VTI1A: variants seen among roughly 807,000 people sequenced by gnomAD.
VTI1A encodes vesicle transport through interaction with t-SNAREs homolog 1A.
Under a neutral mutation model 34.9 loss-of-function variants are expected in VTI1A, and 22 were observed. The observed-to-expected ratio is 0.63, with a 90% CI of 0.45 to 0.90. The LOEUF (loss-of-function observed/expected upper bound fraction) is 0.90. Ranked by LOEUF, VTI1A falls within the 40% of genes least tolerant of loss-of-function variation. The probability of loss-of-function intolerance (pLI) is 0.00; values close to 1 mark genes in which losing one functional copy is unlikely to be tolerated. For missense variants in VTI1A, 268 were observed against 275.6 expected, an observed-to-expected ratio of 0.97 and a Z score of 0.20; for synonymous variants, 87 against 97.3, an observed-to-expected ratio of 0.89 and a Z score of 0.62.
At chr10:112,571,567 G>C (rs1234838632) in intron 5 of VTI1A, among the ~76,000 whole-genome samples, 1 of 152,146 alleles carries the variant, frequency 6.6e-6, no homozygotes, top group Non-Finnish European at 1.5e-5. Context: ...CCACTGTGGG[G>C]AGCAGTTTGG....
chr10:112,465,878 C>T (rs879615965), intron 3 of VTI1A, among the ~76,000 whole-genome samples: 27 of 151,846 alleles, frequency 1.8e-4, no homozygotes, highest in Non-Finnish European at 2.4e-4. Flanking sequence ...GTGATTTTAC[C>T]GCAATTAAAA....
At chr10:112,658,490 C>G (rs1172753765) in intron 5 of VTI1A, among the ~76,000 whole-genome samples, 1 of 152,108 alleles carries the variant, frequency 6.6e-6, no homozygotes, top group African/African-American at 2.4e-5. Context: ...TTGAATGGTT[C>G]CAGTGAACAA....
At chr10:112,663,072 T>C (rs1339283375) in intron 5 of VTI1A, among the ~76,000 whole-genome samples, 2 of 152,246 alleles carry the variant, frequency 1.3e-5, no homozygotes, top group Middle Eastern at 3.2e-3. Flanking sequence ...TGTGTGGGAA[T>C]ATGTGATTTC....
chr10:112,802,153 G>A (rs1311811493), intron 7 of VTI1A, among the ~76,000 whole-genome samples: 1 of 152,182 alleles, frequency 6.6e-6, no homozygotes, highest in Non-Finnish European at 1.5e-5. Context: ...GGAGGCTGAG[G>A]CAGATCACTT....
downstream of VTI1A, among the ~76,000 whole-genome samples, chr10:112,821,422 C>T (rs544856359): frequency 2.6e-5 from 4 of 152,276 alleles, no homozygotes; most frequent in Non-Finnish European, 4.4e-5. Flanking sequence ...ACTTCGTTAC[C>T]GCAACTTTGC....
chr10:112,832,370 G>T, the VTI1A span: 2 of 152,288 alleles, frequency 1.3e-5, no homozygotes, highest in Non-Finnish European at 2.9e-5. Flanking sequence ...TTAGGCTGGA[G>T]AGGGCCTGGG....
At chr10:112,812,591 T>C (rs1384006522) in intron 7 of VTI1A, among the ~76,000 whole-genome samples, 1 of 152,172 alleles carries the variant, frequency 6.6e-6, no homozygotes, top group Non-Finnish European at 1.5e-5. Flanking sequence ...CAGTTCACTT[T>C]TCTGGTCCTG....
intron 5 of VTI1A, among the ~76,000 whole-genome samples, chr10:112,637,613 C>T (rs144790329): frequency 6.6e-6 from 1 of 151,930 alleles, no homozygotes; most frequent in Non-Finnish European, 1.5e-5. Flanking sequence ...GTGCCGAGAT[C>T]GCGCTACTGC....
chr10:112,718,203 C>T lies in VTI1A; in HGVS notation c.560+49205C>T, dbSNP rs148012945. 1.2e-4 allele frequency among the ~76,000 whole-genome samples: 19 copies of T among 152,274 alleles called. 1 individual carries two copies. In the East Asian group the frequency reaches 3.5e-3, roughly 28 times the overall value. Reference sequence around the variant, plus strand: ...ATGGAGAGGCCCCTTTGAATCTAACCCCTGCAAACTAGAGACTCAGGAGTG... The same window carrying T: ...ATGGAGAGGCCCCTTTGAATCTAACTCCTGCAAACTAGAGACTCAGGAGTG... On this transcript the variant is annotated intron_variant, in intron 7 of 7. Coordinates refer to ENST00000393077, the MANE Select transcript of VTI1A (RefSeq NM_145206.4).
intron 7 of VTI1A, among the ~76,000 whole-genome samples, chr10:112,714,179 A>C (rs781167968): frequency 5.3e-5 from 8 of 152,158 alleles, no homozygotes; most frequent in Non-Finnish European, 1.2e-4. Context: ...ATCTTGGGGC[A>C]CAACTGAGTT....
intron 5 of VTI1A, chr10:112,548,861 A>T: frequency 7.1e-7 from 1 of 1,415,484 alleles, no homozygotes; most frequent in Non-Finnish European, 9.6e-7. Context: ...TTTTTACCGG[A>T]ACGGTGATCA....
intron 5 of VTI1A, among the ~76,000 whole-genome samples, chr10:112,577,660 T>C (rs755253149): frequency 2.0e-4 from 31 of 152,254 alleles, no homozygotes; most frequent in Admixed American, 9.2e-4. Context: ...GGCATATGAA[T>C]GACAGGGTGA....
chr10:112,620,607 A>G (rs954373345), intron 5 of VTI1A, among the ~76,000 whole-genome samples: 4 of 152,114 alleles, frequency 2.6e-5, no homozygotes, highest in African/African-American at 9.7e-5. Flanking sequence ...CCTGACCAAC[A>G]AGGTGAAACC....
intron 7 of VTI1A, among the ~76,000 whole-genome samples, chr10:112,738,166 A>G (rs1255457686): frequency 6.6e-6 from 1 of 152,148 alleles, no homozygotes; most frequent in African/African-American, 2.4e-5. Context: ...CTTACCAGAG[A>G]GGCCTCATTT....
chr10:112,447,364 C>T lies in VTI1A; in HGVS notation c.-10C>T. On this transcript the variant is annotated 5_prime_UTR_variant, in exon 1 of 8. Transcript: ENST00000393077. ...AGGCTTTGGCCTGGGCTACTCGTTCCGGAGCCGCCATGTCGTCCGACTTCG... is the reference window on the plus strand; with the variant it reads ...AGGCTTTGGCCTGGGCTACTCGTTCTGGAGCCGCCATGTCGTCCGACTTCG... 1 of 1,612,234 alleles carries T rather than the reference C, an allele frequency of 6.2e-7. No individual in the cohort carries two copies. Among genetic ancestry groups the T allele is most frequent in the East Asian group, 2.2e-5 (1 of 44,798 alleles).
intron 5 of VTI1A, among the ~76,000 whole-genome samples, chr10:112,656,947 C>T (rs35025552): frequency 0.11 from 16,819 of 152,058 alleles, 972 homozygotes; most frequent in Middle Eastern, 0.14. Flanking sequence ...TTAGTTATCG[C>T]GACATCAGGT....
intron 7 of VTI1A, among the ~76,000 whole-genome samples, chr10:112,758,192 A>G (rs1352261243): frequency 6.6e-6 from 1 of 152,198 alleles, no homozygotes; most frequent in South Asian, 2.1e-4. Flanking sequence ...AGGAAAGCTC[A>G]TAGAGGAGGG....
intron 7 of VTI1A, among the ~76,000 whole-genome samples, chr10:112,790,501 A>G (rs1296255073): frequency 2.0e-5 from 3 of 152,166 alleles, no homozygotes; most frequent in Non-Finnish European, 4.4e-5. Flanking sequence ...ACTTTAGGCT[A>G]GCAGAGGTGT....
At chr10:112,594,437 T>G (rs530520086) in intron 5 of VTI1A, among the ~76,000 whole-genome samples, 1 of 152,218 alleles carries the variant, frequency 6.6e-6, no homozygotes, top group South Asian at 2.1e-4. Context: ...CAAAATCTCC[T>G]TAAGCTGATA....
Sources: gnomAD v4.1 joint callset for allele counts (sites outside exome capture counted in the v4.1 genomes callset) on GRCh38, gnomAD v4.1.1 for gene constraint, MANE v1.5 for transcripts, NCBI Gene and HGNC (gene_info 2026-07-23, HGNC 2026-07-21) for gene names.